The following KANSL1 variants were observed in gnomAD, a reference collection of about 807,000 sequenced individuals.
KANSL1 encodes the protein MLL1/MLL complex subunit KANSL1.
A neutral mutation model predicts 103.6 loss-of-function variants in KANSL1; 22 were observed. The ratio of observed to expected loss-of-function variants is 0.21; its 90% CI spans 0.15 to 0.30. KANSL1 has a LOEUF of 0.30. Ranked by LOEUF, KANSL1 falls within the 10% of genes least tolerant of loss-of-function variation. KANSL1 has a pLI of 1.00. For synonymous variants in KANSL1, 600 were observed against 527.6 expected (o/e 1.14, Z -1.88); for missense variants, 1,337 against 1,399.8 (o/e 0.96, Z 0.72).
chr17:46,125,144 C>T, intron 2 of KANSL1, among the ~76,000 whole-genome samples: 1 of 147,600 alleles, frequency 6.8e-6, no homozygotes, highest in Non-Finnish European at 1.5e-5. Context: ...CACAGCTTCC[C>T]TAACCTTCAG....
chr17:46,156,460 T>C (rs955234256), intron 2 of KANSL1, among the ~76,000 whole-genome samples: 2 of 152,218 alleles, frequency 1.3e-5, no homozygotes, highest in African/African-American at 2.4e-5. Context: ...ATCCATCTCT[T>C]CTCAGGTCTT....
At chr17:46,216,255 G>A (rs1470591583) in intron 1 of KANSL1, among the ~76,000 whole-genome samples, 1 of 152,178 alleles carries the variant, frequency 6.6e-6, no homozygotes, top group African/African-American at 2.4e-5. Context: ...AGAGGAAGAA[G>A]GGTCAAGGGA....
intron 14 of KANSL1, 32 bp downstream of exon 14, chr17:46,032,015 T>C (rs773591156): frequency 6.2e-7 from 1 of 1,613,328 alleles, no homozygotes. Context: ...CCCCCAACCA[T>C]GCCAACCCCA....
chr17:46,116,115 T>C (rs1166026365), intron 2 of KANSL1, among the ~76,000 whole-genome samples: 1 of 152,238 alleles, frequency 6.6e-6, no homozygotes, highest in African/African-American at 2.4e-5. Flanking sequence ...GAGTGAAAAC[T>C]AGACCCAACT....
At chr17:46,141,569 T>C (rs964375354) in intron 2 of KANSL1, among the ~76,000 whole-genome samples, 37 of 152,276 alleles carry the variant, frequency 2.4e-4, no homozygotes, top group African/African-American at 8.7e-4. Context: ...AAAATCTGGG[T>C]GCGAAATAAG....
At chr17:46,058,561 A>C (rs2078011720) in intron 6 of KANSL1, among the ~76,000 whole-genome samples, 1 of 152,254 alleles carries the variant, frequency 6.6e-6, no homozygotes, top group African/African-American at 2.4e-5. Context: ...AGGCAAGAAA[A>C]TACTACTATA....
intron 3 of KANSL1, among the ~76,000 whole-genome samples, chr17:46,086,153 T>C (rs1332197634): frequency 4.0e-5 from 6 of 151,576 alleles, no homozygotes; most frequent in African/African-American, 1.5e-4. Flanking sequence ...TCCTTCAATT[T>C]TTCTTTTTCA....
At chr17:46,068,302 G>A (rs1207904394) in intron 4 of KANSL1, among the ~76,000 whole-genome samples, 1 of 151,962 alleles carries the variant, frequency 6.6e-6, no homozygotes, top group Non-Finnish European at 1.5e-5. Flanking sequence ...GGTGGCTCAT[G>A]ACTGTAACCC....
rs1177302580 is a variant in KANSL1 at position 46,215,476 on chromosome 17, G to C, written c.-90+8195C>G. ...CATGTTGGCAGCGACTTGGAAGAGA[G>C]AAAGCAGTCAAGGAGAATGATTACA... On this transcript the variant is annotated intron_variant, in intron 1 of 14. Coordinates refer to the KANSL1 transcript ENST00000572904. 3.9e-5 allele frequency among the ~76,000 whole-genome samples: 6 copies of C among 152,350 alleles called. No individual in the cohort carries two copies. In the South Asian group the frequency reaches 1.2e-3, roughly 32 times the overall value.
At chr17:46,128,841 G>A (rs1164875007) in intron 2 of KANSL1, among the ~76,000 whole-genome samples, 3 of 152,202 alleles carry the variant, frequency 2.0e-5, no homozygotes, top group African/African-American at 4.8e-5. Context: ...TTTAGTCTAC[G>A]TGTGACAGGA....
At chr17:46,150,279 A>G (rs2045019141) in intron 2 of KANSL1, among the ~76,000 whole-genome samples, 1 of 151,862 alleles carries the variant, frequency 6.6e-6, no homozygotes, top group East Asian at 1.9e-4. Flanking sequence ...CTAAACACCT[A>G]CATCTCCCTT....
intron 2 of KANSL1, among the ~76,000 whole-genome samples, chr17:46,140,010 T>C (rs1746771253): frequency 6.6e-6 from 1 of 152,154 alleles, no homozygotes; most frequent in Admixed American, 6.5e-5. Context: ...AAAAAGCTCA[T>C]AATAAAATTT....
At chr17:46,067,175 C>G (rs189280309) in intron 5 of KANSL1, among the ~76,000 whole-genome samples, 1 of 152,306 alleles carries the variant, frequency 6.6e-6, no homozygotes, top group East Asian at 1.9e-4. Flanking sequence ...CTCCCTGAAT[C>G]TTTTGTTTTC....
At chr17:46,154,288 T>C (rs2045293902) in intron 2 of KANSL1, among the ~76,000 whole-genome samples, 1 of 152,254 alleles carries the variant, frequency 6.6e-6, no homozygotes, top group Non-Finnish European at 1.5e-5. Context: ...GATTTGTCCC[T>C]TGACAAATGA....
rs918091128 is a variant in KANSL1 at position 46,034,146 on chromosome 17, A to C, written c.2666+15T>G. The C allele has an allele frequency of 1.9e-6, 3 of 1,613,164 alleles. No individual in the cohort carries two copies. In the African/African-American group the frequency reaches 4.0e-5, roughly 22 times the overall value. On this transcript the variant is annotated intron_variant, in intron 11 of 14. Coordinates refer to ENST00000432791, the MANE Select transcript of KANSL1 (RefSeq NM_015443.4). ...GGAAGAATGGGGAGAGGAGCCAACTATTCTGAGCTTCTACCTGGGCGTAAG... is the reference window on the plus strand; with the variant it reads ...GGAAGAATGGGGAGAGGAGCCAACTCTTCTGAGCTTCTACCTGGGCGTAAG...
chr17:46,106,311 TGA>T (rs1025027724), intron 2 of KANSL1, among the ~76,000 whole-genome samples: 1 of 152,212 alleles, frequency 6.6e-6, no homozygotes, highest in African/African-American at 2.4e-5. Flanking sequence ...AAGAATTGCC[TGA>T]GAGAGTTAAG....
chr17:46,115,655 A>G (rs1212592183), intron 2 of KANSL1, among the ~76,000 whole-genome samples: 1 of 152,232 alleles, frequency 6.6e-6, no homozygotes, highest in East Asian at 1.9e-4. Flanking sequence ...TGAATGAAAA[A>G]CAGTTTATTT....
chr17:46,218,593 G>A (rs1432646165), intron 1 of KANSL1, among the ~76,000 whole-genome samples: 1 of 152,076 alleles, frequency 6.6e-6, no homozygotes, highest in African/African-American at 2.4e-5. Flanking sequence ...GACCAGCCTG[G>A]CCAACATAGT....
chr17:46,078,465 C>G (rs1348778954), intron 4 of KANSL1, among the ~76,000 whole-genome samples: 2 of 152,222 alleles, frequency 1.3e-5, no homozygotes, highest in East Asian at 3.9e-4. Flanking sequence ...TGGGCCTATG[C>G]CCCTCCCCAT....
Sources: gnomAD v4.1 joint callset for allele counts (sites outside exome capture counted in the v4.1 genomes callset) on GRCh38, gnomAD v4.1.1 for gene constraint, MANE v1.5 for transcripts, NCBI Gene and HGNC (gene_info 2026-07-23, HGNC 2026-07-21) for gene names.